RARB: variants seen among roughly 807,000 people sequenced by gnomAD.
The protein encoded by RARB is HBV-activated protein.
Under a neutral mutation model 51.9 loss-of-function variants are expected in RARB, and 17 were observed. That is an observed-to-expected ratio of 0.33 (90% CI 0.22 to 0.49). The LOEUF (loss-of-function observed/expected upper bound fraction) is 0.49, where lower values mean the gene tolerates loss of function less well. RARB is among the 20% of genes least tolerant of loss of function. The probability of loss-of-function intolerance (pLI) is 0.99; values close to 1 mark genes in which losing one functional copy is unlikely to be tolerated. For missense variants in RARB, 369 were observed against 550.8 expected (o/e 0.67, Z 3.30); for synonymous variants, 215 against 195.4 (o/e 1.10, Z -0.84).
intron 4 of RARB, among the ~76,000 whole-genome samples, chr3:25,159,886 A>G (rs1375506506): frequency 6.6e-6 from 1 of 152,198 alleles, no homozygotes; most frequent in East Asian, 1.9e-4. Context: ...ACCCACAAAG[A>G]GAATAAGGGA....
At chr3:25,117,342 A>G (rs1173768623) in intron 3 of RARB, among the ~76,000 whole-genome samples, 2 of 152,338 alleles carry the variant, frequency 1.3e-5, no homozygotes, top group Non-Finnish European at 2.9e-5. Context: ...GAACTGAATA[A>G]AAGTTCACCA....
chr3:25,191,542 T>TG (rs577792084), intron 5 of RARB, among the ~76,000 whole-genome samples: 366 of 152,252 alleles, frequency 2.4e-3, no homozygotes, highest in African/African-American at 8.5e-3. Flanking sequence ...TGGACAGCTA[T>TG]GAATTTTCCT....
chr3:25,186,487 G>C (rs1161297416), intron 5 of RARB, among the ~76,000 whole-genome samples: 1 of 152,084 alleles, frequency 6.6e-6, no homozygotes, highest in African/African-American at 2.4e-5. Context: ...TTAGGTTTAA[G>C]AATGTTTATG....
At chr3:25,328,720 C>T (rs1038038538) in intron 5 of RARB, among the ~76,000 whole-genome samples, 15 of 152,214 alleles carry the variant, frequency 9.9e-5, no homozygotes, top group South Asian at 8.3e-4. Context: ...CAAAGCAGGG[C>T]GGGGCATCAC....
At chr3:25,238,392 CT>C (rs1321179463) in intron 5 of RARB, among the ~76,000 whole-genome samples, 3 of 152,048 alleles carry the variant, frequency 2.0e-5, no homozygotes, top group African/African-American at 7.2e-5. Flanking sequence ...ACCAAATTTT[CT>C]TTATTCATTT....
At chr3:25,475,397 A>T (rs1407920967) in intron 2 of RARB, among the ~76,000 whole-genome samples, 2 of 151,150 alleles carry the variant, frequency 1.3e-5, no homozygotes, top group Non-Finnish European at 2.9e-5. Context: ...TATCCAAATA[A>T]CAAAGGGGGG....
intron 2 of RARB, among the ~76,000 whole-genome samples, chr3:25,495,194 C>T (rs559294630): frequency 2.9e-4 from 44 of 152,044 alleles, no homozygotes; most frequent in African/African-American, 9.4e-4. Flanking sequence ...GAAGGTGAAA[C>T]GGGGTTCATG....
At chr3:24,917,790 G>A (rs1695136913) in intron 2 of RARB, among the ~76,000 whole-genome samples, 1 of 152,198 alleles carries the variant, frequency 6.6e-6, no homozygotes, top group Non-Finnish European at 1.5e-5. Context: ...GCGTCCTAAA[G>A]TGCTGGGCTT....
chr3:24,873,702 A>G (rs1243033183), intron 2 of RARB, among the ~76,000 whole-genome samples: 1 of 151,790 alleles, frequency 6.6e-6, no homozygotes, highest in Non-Finnish European at 1.5e-5. Flanking sequence ...TTACAGCTAT[A>G]AATTTTCCCC....
intron 5 of RARB, among the ~76,000 whole-genome samples, chr3:25,368,072 A>C (rs1444083280): frequency 6.6e-6 from 1 of 152,224 alleles, no homozygotes; most frequent in Non-Finnish European, 1.5e-5. Context: ...CTTTATTCTA[A>C]GAATATTCTT....
chr3:25,566,454 G>C (rs1700500561), intron 3 of RARB, among the ~76,000 whole-genome samples: 1 of 152,206 alleles, frequency 6.6e-6, no homozygotes, highest in Non-Finnish European at 1.5e-5. Flanking sequence ...TGCAAAGGCT[G>C]CTCCAAATTG....
chr3:25,088,726 C>T (rs1279931224), intron 3 of RARB, among the ~76,000 whole-genome samples: 1 of 152,038 alleles, frequency 6.6e-6, no homozygotes, highest in Non-Finnish European at 1.5e-5. Flanking sequence ...ATTTGGTGAA[C>T]CAGATATATT....
intron 3 of RARB, among the ~76,000 whole-genome samples, chr3:25,515,770 C>A (rs1447156955): frequency 1.3e-5 from 2 of 152,096 alleles, no homozygotes; most frequent in Non-Finnish European, 2.9e-5. Context: ...GGTATTGACT[C>A]AAAAGAGCCA....
chr3:25,038,618 C>T (rs1477195698), intron 2 of RARB, among the ~76,000 whole-genome samples: 1 of 152,104 alleles, frequency 6.6e-6, no homozygotes, highest in Non-Finnish European at 1.5e-5. Context: ...ATTTAGCACA[C>T]ACAGTTCTGC....
intron 2 of RARB, among the ~76,000 whole-genome samples, chr3:24,963,988 C>T (rs1408643081): frequency 6.6e-6 from 1 of 152,124 alleles, no homozygotes; most frequent in Non-Finnish European, 1.5e-5. Context: ...CCATACCTGA[C>T]AAATGATGTC....
intron 5 of RARB, among the ~76,000 whole-genome samples, chr3:25,285,258 T>C (rs1294733979): frequency 1.3e-5 from 2 of 152,112 alleles, no homozygotes; most frequent in Admixed American, 6.5e-5. Flanking sequence ...GAAAGTGATA[T>C]GATGAATTCT....
chr3:25,343,754 A>G (rs982136700), intron 5 of RARB, among the ~76,000 whole-genome samples: 4 of 152,178 alleles, frequency 2.6e-5, no homozygotes, highest in African/African-American at 9.6e-5. Flanking sequence ...GGATTCCAGG[A>G]CAAAAAAATC....
At chr3:24,908,379 T>G (rs1315843381) in intron 2 of RARB, among the ~76,000 whole-genome samples, 1 of 152,196 alleles carries the variant, frequency 6.6e-6, no homozygotes. Flanking sequence ...AAGAAGAGAT[T>G]ACAGTCACCA....
At chr3:25,523,396 C>G (rs2125634482) in intron 3 of RARB, among the ~76,000 whole-genome samples, 1 of 152,288 alleles carries the variant, frequency 6.6e-6, no homozygotes. Context: ...TTGATTTTGG[C>G]AGCTGTCATA....
Sources: allele counts gnomAD v4.1 joint callset (sites outside exome capture counted in the v4.1 genomes callset), GRCh38; gene constraint gnomAD v4.1.1; transcripts MANE v1.5; gene names NCBI Gene and HGNC (gene_info 2026-07-23, HGNC 2026-07-21).